The following DPP10 variants were observed in gnomAD, a reference collection of about 807,000 sequenced individuals.
DPP10 encodes dipeptidyl peptidase like 10.
DPP10 carries 33 observed loss-of-function variants against 120.9 expected under a neutral mutation model. The ratio of observed to expected loss-of-function variants is 0.27; its 90% confidence interval spans 0.21 to 0.37. The LOEUF is 0.37. DPP10 is among the 10% of genes least tolerant of loss of function. The pLI, the probability that DPP10 is intolerant of heterozygous loss-of-function variation, is 1.00. For missense variants in DPP10, 816 were observed against 942.8 expected (o/e 0.87, Z 1.76); for synonymous variants, 337 against 326.1 (o/e 1.03, Z -0.36).
At chr2:115,672,214 T>C (rs4075701) in intron 5 of DPP10, among the ~76,000 whole-genome samples, 103,964 of 151,956 alleles carry the variant, frequency 0.68, 37,904 homozygotes, top group East Asian at 0.92. Context: ...TGAGGTGCTC[T>C]TGAAGTGATA....
intron 1 of DPP10, among the ~76,000 whole-genome samples, chr2:115,258,872 G>C (rs971264094): frequency 6.6e-6 from 1 of 151,970 alleles, no homozygotes; most frequent in African/African-American, 2.4e-5. Flanking sequence ...CTGGGCAACA[G>C]AGTGAGGCCC....
intron 3 of DPP10, among the ~76,000 whole-genome samples, chr2:115,474,734 A>G (rs2074962181): frequency 1.3e-5 from 2 of 152,098 alleles, no homozygotes; most frequent in Admixed American, 6.5e-5. Flanking sequence ...GATAGAAAAA[A>G]AAAAAAAAAG....
intron 3 of DPP10, among the ~76,000 whole-genome samples, chr2:115,440,550 C>A (rs1453543887): frequency 6.6e-6 from 1 of 152,154 alleles, no homozygotes; most frequent in Non-Finnish European, 1.5e-5. Context: ...CTTTATTAAG[C>A]CGGCGGCCAA....
intron 1 of DPP10, among the ~76,000 whole-genome samples, chr2:115,013,658 C>CAAAAAAAA (rs59313783): frequency 5.1e-5 from 3 of 58,428 alleles, no homozygotes; most frequent in Non-Finnish European, 7.4e-5. Context: ...AAATGGAAAG[C>CAAAAAAAA]AAAAAAAAAA....
chr2:115,162,269 A>T, intron 1 of DPP10: 1 of 1,556,326 alleles, frequency 6.4e-7, no homozygotes, highest in African/African-American at 1.4e-5. Flanking sequence ...AAGGGGGCAG[A>T]GAGGTAAAGG....
intron 3 of DPP10, among the ~76,000 whole-genome samples, chr2:115,494,103 C>G (rs1326543182): frequency 4.6e-5 from 7 of 151,982 alleles, no homozygotes; most frequent in Non-Finnish European, 1.0e-4. Flanking sequence ...TGTGCACCAC[C>G]ACGGCTAATT....
At chr2:114,866,400 C>G (rs1167827450) in intron 1 of DPP10, among the ~76,000 whole-genome samples, 1 of 151,820 alleles carries the variant, frequency 6.6e-6, no homozygotes, top group Non-Finnish European at 1.5e-5. Context: ...TCTCTGAAAA[C>G]TGGAATACAT....
chr2:115,234,307 A>C (rs180858489), intron 1 of DPP10: 37 of 210,312 alleles, frequency 1.8e-4, no homozygotes, highest in African/African-American at 7.6e-4. Flanking sequence ...TCTTCTATCC[A>C]GTACTATCAG....
chr2:114,900,459 C>T lies in DPP10; in HGVS notation c.61-408780C>T, dbSNP rs1693466557. Reference sequence around the variant, plus strand: ...GCTTTAACTGTCATTTGATTGATTGCTAAGGAAATTGAACACATATTTATG... The same window carrying T: ...GCTTTAACTGTCATTTGATTGATTGTTAAGGAAATTGAACACATATTTATG... On this transcript the variant is annotated intron_variant, in intron 1 of 25. Transcript: ENST00000410059. Among the ~76,000 whole-genome samples the T allele has an allele frequency of 3.3e-5, 5 of 152,108 alleles. 1 individual carries two copies. The South Asian group carries it at 1.0e-3, about 32-fold the overall frequency.
intron 1 of DPP10, among the ~76,000 whole-genome samples, chr2:114,501,737 G>A (rs1386382756): frequency 2.0e-5 from 3 of 151,852 alleles, no homozygotes; most frequent in Admixed American, 2.0e-4. Context: ...TGCTAGAGCG[G>A]TTCAATTTCA....
intron 1 of DPP10, among the ~76,000 whole-genome samples, chr2:115,276,496 C>T (rs1353771859): frequency 6.6e-6 from 1 of 152,158 alleles, no homozygotes; most frequent in African/African-American, 2.4e-5. Flanking sequence ...AAACCTAAAA[C>T]CACTCATCCT....
chr2:114,872,455 G>A (rs1051390041), intron 1 of DPP10, among the ~76,000 whole-genome samples: 5 of 152,112 alleles, frequency 3.3e-5, no homozygotes, highest in African/African-American at 9.7e-5. Flanking sequence ...ATGTGGGTGG[G>A]AACACAGAGC....
chr2:115,259,744 G>A (rs948910589), intron 1 of DPP10, among the ~76,000 whole-genome samples: 24 of 151,990 alleles, frequency 1.6e-4, no homozygotes, highest in African/African-American at 5.1e-4. Context: ...ACCATTTAGC[G>A]GCCTCTGTCA....
chr2:115,079,860 A>G (rs1708122137), intron 1 of DPP10, among the ~76,000 whole-genome samples: 1 of 152,208 alleles, frequency 6.6e-6, no homozygotes, highest in Non-Finnish European at 1.5e-5. Context: ...TTTTCCAGAA[A>G]GCTCCTACTA....
intron 3 of DPP10, among the ~76,000 whole-genome samples, chr2:115,445,527 G>A (rs2072496525): frequency 6.6e-6 from 1 of 152,154 alleles, no homozygotes; most frequent in African/African-American, 2.4e-5. Flanking sequence ...ATTGAGAACT[G>A]GGGCAGAGGT....
chr2:115,792,872 C>A (rs1479813320), intron 19 of DPP10, among the ~76,000 whole-genome samples: 1 of 152,140 alleles, frequency 6.6e-6, no homozygotes, highest in Non-Finnish European at 1.5e-5. Context: ...TATGTGATGA[C>A]CTTCAAAATG....
rs1479763197 is a variant in DPP10, at chr2:115,427,641, CT to C, written c.272-71868del. Among the ~76,000 whole-genome samples the C allele has an allele frequency of 2.6e-5, 4 of 152,180 alleles. 1 individual carries two copies. The highest frequency in any genetic ancestry group is 9.6e-5 in the African/African-American group (4 of 41,454). ...ATACCACCAAAACCATTCAGTCCCC[CT>C]GGGCCTCTGATGGGAGGGGCTGCCT... On this transcript the variant is annotated intron_variant, in intron 3 of 25. Coordinates refer to ENST00000410059, the MANE Select transcript of DPP10 (RefSeq NM_020868.6).
At chr2:114,645,006 C>A (rs1033433282) in intron 1 of DPP10, among the ~76,000 whole-genome samples, 1 of 151,702 alleles carries the variant, frequency 6.6e-6, no homozygotes, top group Non-Finnish European at 1.5e-5. Context: ...ATATACTGAG[C>A]AAACTGTTGG....
intron 5 of DPP10, among the ~76,000 whole-genome samples, chr2:115,585,382 T>G (rs2082226180): frequency 6.6e-6 from 1 of 152,182 alleles, no homozygotes; most frequent in Non-Finnish European, 1.5e-5. Context: ...CATGCAGTAC[T>G]AAAAAATAAA....
Sources: gnomAD v4.1 joint callset for allele counts (sites outside exome capture counted in the v4.1 genomes callset) on GRCh38, gnomAD v4.1.1 for gene constraint, MANE v1.5 for transcripts, NCBI Gene and HGNC (gene_info 2026-07-23, HGNC 2026-07-21) for gene names.